EMILIN1: variants seen among roughly 807,000 people sequenced by gnomAD.
EMILIN1 encodes EMILIN-1.
In EMILIN1, 49 loss-of-function variants were observed where a neutral mutation model predicts 82.4. The ratio of observed to expected loss-of-function variants is 0.59; its 90% CI spans 0.47 to 0.75. The LOEUF (loss-of-function observed/expected upper bound fraction) is 0.75, where lower values mean the gene tolerates loss of function less well. EMILIN1 is among the 30% of genes least tolerant of loss of function. EMILIN1 has a pLI of 0.00. For missense variants in EMILIN1, 1,313 were observed against 1,366.4 expected, an observed-to-expected ratio of 0.96 and a Z score of 0.62; for synonymous variants, 604 against 602.2, an observed-to-expected ratio of 1.00 and a Z score of -0.04.
rs73921450 is a variant in EMILIN1, at chr2:27,083,876, A to G, written c.2305A>G (p.Ser769Gly). 1.9e-6 allele frequency: 3 copies of G among 1,608,950 alleles called. No homozygotes were observed. The African/African-American group carries it at 4.0e-5, about 21-fold the overall frequency. ...TGGGCTCCGGGAAACCAACACCACC[A>G]GCCAGATGCAGGCAGCCCTGCTGGA... ...WAGLRETNTTSQMQAALLEKL... is the reference protein window; with the variant it reads ...WAGLRETNTTGQMQAALLEKL... Residue 769 changes from serine (S) to glycine (G), a missense_variant, in exon 4 of 8, where the codon AGC becomes GGC. Coordinates refer to ENST00000380320, the MANE Select transcript of EMILIN1 (RefSeq NM_007046.4).
At chr2:27,085,123 C>G in intron 6 of EMILIN1, 37 bp from the exon 7 acceptor site, 1 of 1,613,850 alleles carries the variant, frequency 6.2e-7, no homozygotes, top group South Asian at 1.1e-5. Context: ...GCACTCTGCC[C>G]TGAGCATCCC....
Position 27,085,270 on chromosome 2 carries a change from G to A in EMILIN1, c.2686G>A (p.Asp896Asn). 6.2e-7 allele frequency: 1 copy of A among 1,614,114 alleles called. No individual in the cohort carries two copies. Among genetic ancestry groups the A allele is most frequent in the Non-Finnish European group, 8.5e-7 (1 of 1,180,052 alleles). The change falls in exon 7 of 8, where the codon GAT (aspartate) becomes AAT (asparagine). Residue 896 changes from aspartate to asparagine, a missense_variant. Transcript: ENST00000380320. ...CCCCTTCGACAGAGTCCTGCTCAATGATGGAGGCTATTATGATCCAGAGAC... is the reference window on the plus strand; with the variant it reads ...CCCCTTCGACAGAGTCCTGCTCAATAATGGAGGCTATTATGATCCAGAGAC... Reference protein sequence around the residue: ...TVPFDRVLLNDGGYYDPETGV... With the variant: ...TVPFDRVLLNNGGYYDPETGV...
chr2:27,082,631 T>C lies in EMILIN1; in HGVS notation c.1060T>C (p.Cys354Arg), dbSNP rs1196682182. ...GGGCCGCAGGCCCCCTCAGGAATGCTGCTCTCCAGAGCTGGGCCGGCGACT... is the reference window on the plus strand; with the variant it reads ...GGGCCGCAGGCCCCCTCAGGAATGCCGCTCTCCAGAGCTGGGCCGGCGACT... Reference protein sequence around the residue: ...AVGRRPPQECCSPELGRRLAE... With the variant: ...AVGRRPPQECRSPELGRRLAE... The change falls in exon 4 of 8, where the codon TGC becomes CGC. Residue 354 changes from cysteine (C) to arginine (R), a missense_variant. Physicochemically the swap from Cys to Arg is radical, Grantham distance 180 (BLOSUM62 -3). Transcript: ENST00000380320. 4 of 1,545,814 alleles carry C rather than the reference T, an allele frequency of 2.6e-6. No homozygotes were observed. In the African/African-American group the frequency reaches 4.1e-5, roughly 16 times the overall value.
Position 27,083,095 on chromosome 2 carries a change from G to A in EMILIN1, c.1524G>A (p.Glu508=), listed in dbSNP as rs1438768063. The change falls in exon 4 of 8, where the codon GAG becomes GAA. Residue 508 remains glutamate, a synonymous_variant. Transcript: ENST00000380320. ...SALERRVLDS[E]GQLRLVGSGL... is the part of the protein sequence containing the mutation. ...TGGAGCGCAGGGTGCTGGACAGTGA[G>A]GGGCAGCTGCGGCTGGTGGGCTCCG... 4 of 1,561,182 alleles carry A rather than the reference G, an allele frequency of 2.6e-6. No individual in the cohort carries two copies. The highest frequency in any genetic ancestry group is 1.4e-5 in the African/African-American group (1 of 73,638).
Position 27,080,738 on chromosome 2 carries a change from C to T in EMILIN1, c.297C>T (p.Arg99=). The change falls in exon 3 of 8, where the codon CGC becomes CGT. Residue 99 remains arginine, a synonymous_variant. Transcript: ENST00000380320. Reference sequence around the variant, plus strand: ...CTCCTTCTGCCTCTGCCAGGTACCGCCGCTTCCTCCGCCCTCGCTACCGTG... The same window carrying T: ...CTCCTTCTGCCTCTGCCAGGTACCGTCGCTTCCTCCGCCCTCGCTACCGTG... ...QPQCPQSIMY[R]RFLRPRYRVA... 6.2e-7 allele frequency: 1 copy of T among 1,612,518 alleles called. No individual in the cohort carries two copies. Among genetic ancestry groups the T allele is most frequent in the Non-Finnish European group, 8.5e-7 (1 of 1,179,440 alleles).
At position 27,083,280 on chromosome 2, in the gene EMILIN1, T is replaced by A; in HGVS notation, c.1709T>A (p.Leu570Gln). Residue 570 changes from leucine to glutamine, a missense_variant, in exon 4 of 8, where the codon CTG becomes CAG. Physicochemically the swap from Leu to Gln is moderately radical, Grantham distance 113 (BLOSUM62 -2). Transcript: ENST00000380320. ...LNLTAARLGQ[L>Q]EGLLQAHGDE... ...CTCACTGCGGCCCGGCTAGGCCAAC[T>A]GGAGGGGCTGCTGCAGGCCCATGGG... is the stretch of plus-strand genomic sequence containing the variant. The A allele has an allele frequency of 6.2e-7, 1 of 1,612,924 alleles. No individual in the cohort carries two copies. Among genetic ancestry groups the A allele is most frequent in the South Asian group, 1.1e-5 (1 of 91,066 alleles).
At chr2:27,079,323 A>C in intron 1 of EMILIN1, 88 bp downstream of exon 1, 4 of 1,157,048 alleles carry the variant, frequency 3.5e-6, no homozygotes, top group Non-Finnish European at 4.8e-6. Context: ...GTGTCCGCTA[A>C]TGCAGGGCAG....
At position 27,078,853 on chromosome 2, in the gene EMILIN1, G is replaced by C. The variant is rs983399378; in HGVS notation, c.-213G>C. 1 of 483,128 alleles carries C rather than the reference G, an allele frequency of 2.1e-6. No homozygotes were observed. The highest frequency in any genetic ancestry group is 3.6e-6 in the Non-Finnish European group (1 of 274,838). 29.9% of individuals were successfully genotyped at this position (483,128 alleles called of 1,614,324 possible). A position where few individuals can be genotyped will look rare whatever the true frequency, so the allele number is the denominator to read the frequency against. Reference sequence around the variant, plus strand: ...AGAGGAGAGCGGAAGGAACCGAGAGGGGACGGACAGGAGCTGAGGAGGAAA... The same window carrying C: ...AGAGGAGAGCGGAAGGAACCGAGAGCGGACGGACAGGAGCTGAGGAGGAAA... On this transcript the variant is annotated 5_prime_UTR_variant, in exon 1 of 8. Transcript: ENST00000380320.
rs367770628 is a variant in EMILIN1 at position 27,083,837 on chromosome 2, G to A, written c.2266G>A (p.Ala756Thr). The change falls in exon 4 of 8, where the codon GCT becomes ACT. Residue 756 changes from alanine to threonine, a missense_variant. By Grantham distance (58) the Ala-to-Thr change is moderately conservative. Coordinates refer to ENST00000380320, the MANE Select transcript of EMILIN1 (RefSeq NM_007046.4). ...GCGCGAGGGCCTTTCCAGACACGTG[G>A]CTGGGCTCTGGGCTGGGCTCCGGGA... ...GLREGLSRHV[A>T]GLWAGLRETN... 6.9e-6 allele frequency: 11 copies of A among 1,601,546 alleles called. No individual in the cohort carries two copies. The highest frequency in any genetic ancestry group is 2.7e-5 in the African/African-American group (2 of 74,744).
chr2:27,080,303 T>G, intron 2 of EMILIN1, 33 bp downstream of exon 2: 1 of 1,611,468 alleles, frequency 6.2e-7, no homozygotes, highest in South Asian at 1.1e-5. Context: ...GGGCCCTTGG[T>G]GGGAACTGGG....
rs1669450496 is a variant in EMILIN1, at chr2:27,080,248, C to T, written c.268C>T (p.Pro90Ser). 1 of 1,614,070 alleles carries T rather than the reference C, an allele frequency of 6.2e-7. No homozygotes were observed. ...GTACCAGCCTTGTGCCTGGGGCCAG[C>T]CCCAGTGTCCCCAAAGCATCATGTG... is the stretch of plus-strand genomic sequence containing the variant. ...VKYQPCAWGQ[P>S]QCPQSIMYRR... Residue 90 changes from proline (P) to serine (S), a missense_variant, in exon 2 of 8, where the codon CCC (proline) becomes TCC (serine). Coordinates refer to ENST00000380320, the MANE Select transcript of EMILIN1 (RefSeq NM_007046.4).
In EMILIN1 at chr2:27,083,227, A is replaced by T. The variant is rs1406198281; in HGVS notation, c.1656A>T (p.Thr552=). 2 of 1,612,008 alleles carry T rather than the reference A, an allele frequency of 1.2e-6. No homozygotes were observed. Among genetic ancestry groups the T allele is most frequent in the Admixed American group, 3.3e-5 (2 of 59,964 alleles). ...ATCGTGTGGATGCCCAGGATGAGAC[A>T]GCTGCAGAGTTCACACTACGGCTGA... is the stretch of plus-strand genomic sequence containing the variant. ...LQDRVDAQDE[T]AAEFTLRLNL... Residue 552 remains threonine (T), a synonymous_variant, in exon 4 of 8, where the codon ACA becomes ACT. Coordinates refer to ENST00000380320, the MANE Select transcript of EMILIN1 (RefSeq NM_007046.4).
rs1669610213 is a variant in EMILIN1, at chr2:27,085,786, C to T, written c.2822C>T (p.Ala941Val). Residue 941 changes from alanine (A) to valine (V), a missense_variant, in exon 8 of 8, where the codon GCC becomes GTC. Coordinates refer to ENST00000380320, the MANE Select transcript of EMILIN1 (RefSeq NM_007046.4). Reference sequence around the variant, plus strand: ...CTGTCCCGCTCCAACCAGGGCGTGGCCCGCGTAGACTCCGGTGGCTACGAG... The same window carrying T: ...CTGTCCCGCTCCAACCAGGGCGTGGTCCGCGTAGACTCCGGTGGCTACGAG... ...AVLSRSNQGV[A>V]RVDSGGYEPE... 7.4e-6 allele frequency: 12 copies of T among 1,612,672 alleles called. 1 individual carries two copies. The East Asian group carries it at 2.7e-4, about 36-fold the overall frequency.
Position 27,080,791 on chromosome 2 carries a change from A to G in EMILIN1, c.350A>G (p.Glu117Gly). 6.2e-7 allele frequency: 1 copy of G among 1,613,780 alleles called. No individual in the cohort carries two copies. The highest frequency in any genetic ancestry group is 8.5e-7 in the Non-Finnish European group (1 of 1,179,956). Residue 117 changes from glutamate to glycine, a missense_variant, in exon 3 of 8, where the codon GAG becomes GGG. Coordinates refer to ENST00000380320, the MANE Select transcript of EMILIN1 (RefSeq NM_007046.4). ...GCCTACAAGACAGTGACCGACATGG[A>G]GTGGAGGTGCTGTCAGGGTTATGGG... ...RVAYKTVTDM[E>G]WRCCQGYGGD...
At chr2:27,081,417 T>C (rs939813751) in intron 3 of EMILIN1, among the ~76,000 whole-genome samples, 1 of 152,092 alleles carries the variant, frequency 6.6e-6, no homozygotes, top group African/African-American at 2.4e-5. Flanking sequence ...CATGCAGCAG[T>C]TCCTGTGGCT....
Position 27,079,027 on chromosome 2 carries a change from C to T in EMILIN1, c.-39C>T, listed in dbSNP as rs776660641. On this transcript the variant is annotated 5_prime_UTR_variant, in exon 1 of 8. Transcript: ENST00000380320. Reference sequence around the variant, plus strand: ...GCCGGCAGAGGCGCCAGTGGCTGGGCGGGATGAGTCTCTGAGGGCCACTGT... The same window carrying T: ...GCCGGCAGAGGCGCCAGTGGCTGGGTGGGATGAGTCTCTGAGGGCCACTGT... 3.4e-6 allele frequency: 5 copies of T among 1,469,988 alleles called. No individual in the cohort carries two copies. Among genetic ancestry groups the T allele is most frequent in the East Asian group, 2.7e-5 (1 of 37,464 alleles). 91.1% of individuals were successfully genotyped at this position (1,469,988 alleles called of 1,614,324 possible). A position where few individuals can be genotyped will look rare whatever the true frequency, so the allele number is the denominator to read the frequency against.
chr2:27,083,461 C>A lies in EMILIN1; in HGVS notation c.1890C>A (p.Ser630Arg). Residue 630 changes from serine to arginine, a missense_variant, in exon 4 of 8, where the codon AGC becomes AGA. Ser to Arg is a moderately radical substitution (Grantham distance 110, BLOSUM62 -1). Coordinates refer to ENST00000380320, the MANE Select transcript of EMILIN1 (RefSeq NM_007046.4). ...GCCGTGGGCCCCTGGACGGCTTCAGCGTGTTTGGGGGCAGCTCAGGCTCAG... is the reference window on the plus strand; with the variant it reads ...GCCGTGGGCCCCTGGACGGCTTCAGAGTGTTTGGGGGCAGCTCAGGCTCAG... ...GPSRGPLDGFSVFGGSSGSAL... is the reference protein window; with the variant it reads ...GPSRGPLDGFRVFGGSSGSAL... 4 of 1,613,040 alleles carry A rather than the reference C, an allele frequency of 2.5e-6. No individual in the cohort carries two copies. Among genetic ancestry groups the A allele is most frequent in the Non-Finnish European group, 3.4e-6 (4 of 1,179,800 alleles).
Position 27,082,222 on chromosome 2 carries a change from C to T in EMILIN1, c.651C>T (p.Ala217=). The stretch of plus-strand genomic sequence containing the variant: ...ATGTGCAGAGGGCTGTGGAGACGGC[C>T]TTCAACGGGAGGCAGCAGCCAGCTG... The part of the protein sequence containing the change: ...AEDVQRAVET[A]FNGRQQPADA... The change falls in exon 4 of 8, where the codon GCC becomes GCT. Residue 217 remains alanine (A), a synonymous_variant. Transcript: ENST00000380320. The T allele has an allele frequency of 6.2e-7, 1 of 1,613,562 alleles. No individual in the cohort carries two copies. The highest frequency in any genetic ancestry group is 8.5e-7 in the Non-Finnish European group (1 of 1,179,994).
rs367770628 is a variant in EMILIN1, at chr2:27,083,837, G to T, written c.2266G>T (p.Ala756Ser). The T allele has an allele frequency of 6.2e-7, 1 of 1,601,664 alleles. No homozygotes were observed. Among genetic ancestry groups the T allele is most frequent in the African/African-American group, 1.3e-5 (1 of 74,866 alleles). ...GLREGLSRHV[A>S]GLWAGLRETN... ...GCGCGAGGGCCTTTCCAGACACGTGGCTGGGCTCTGGGCTGGGCTCCGGGA... is the reference window on the plus strand; with the variant it reads ...GCGCGAGGGCCTTTCCAGACACGTGTCTGGGCTCTGGGCTGGGCTCCGGGA... The change falls in exon 4 of 8, where the codon GCT (alanine) becomes TCT (serine). Residue 756 changes from alanine (A) to serine (S), a missense_variant. Ala to Ser is a moderately conservative substitution (Grantham distance 99, BLOSUM62 1). Transcript: ENST00000380320.
Sources: gnomAD v4.1 joint callset for allele counts (sites outside exome capture counted in the v4.1 genomes callset) on GRCh38, gnomAD v4.1.1 for gene constraint, MANE v1.5 for transcripts, NCBI Gene and HGNC (gene_info 2026-07-23, HGNC 2026-07-21) for gene names.